ROBO2: variants seen among roughly 807,000 people sequenced by gnomAD.
ROBO2 encodes the protein roundabout homolog 2.
Under a neutral mutation model 160.8 loss-of-function variants are expected in ROBO2, and 53 were observed. The observed-to-expected ratio is 0.33, with a 90% CI of 0.26 to 0.41. The LOEUF (loss-of-function observed/expected upper bound fraction) is 0.41, where lower values mean the gene tolerates loss of function less well. Ranked by LOEUF, ROBO2 falls within the 10% of genes least tolerant of loss-of-function variation. The probability of loss-of-function intolerance (pLI) is 1.00; values close to 1 mark genes in which losing one functional copy is unlikely to be tolerated. For synonymous variants in ROBO2, 664 were observed against 611.7 expected (o/e 1.09, Z -1.26); for missense variants, 1,577 against 1,722.4 (o/e 0.92, Z 1.49).
At chr3:76,754,613 A>T (rs2060864084) in intron 2 of ROBO2, among the ~76,000 whole-genome samples, 2 of 151,906 alleles carry the variant, frequency 1.3e-5, no homozygotes, top group African/African-American at 4.8e-5. Context: ...TCCAATTAAG[A>T]AACATACTGC....
intron 2 of ROBO2, among the ~76,000 whole-genome samples, chr3:76,006,305 T>C (rs2066018249): frequency 2.6e-5 from 4 of 152,174 alleles, no homozygotes; most frequent in Admixed American, 2.6e-4. Context: ...AAATAAGTAA[T>C]ACTGGATAGT....
At position 76,480,746 on chromosome 3, in the gene ROBO2, A is replaced by G. The variant is rs144610270; in HGVS notation, c.109+543144A>G. ...GGTACCACCTCCCAATACCAAGACC[A>G]TGAAGGTTAGAATTTGGGCATACAT... On this transcript the variant is annotated intron_variant, in intron 2 of 26. Transcript: ENST00000487694. 1.8e-3 allele frequency among the ~76,000 whole-genome samples: 268 copies of G among 152,266 alleles called. 1 individual carries two copies. Among genetic ancestry groups the G allele is most frequent in the African/African-American group, 6.2e-3 (256 of 41,572 alleles).
At chr3:77,312,758 C>T (rs2063657459) in intron 2 of ROBO2, among the ~76,000 whole-genome samples, 2 of 152,124 alleles carry the variant, frequency 1.3e-5, no homozygotes, top group Non-Finnish European at 2.9e-5. Flanking sequence ...GTGAAAATGT[C>T]TACCTTAAGC....
intron 2 of ROBO2, among the ~76,000 whole-genome samples, chr3:76,401,563 A>G (rs1283031482): frequency 6.6e-6 from 1 of 151,722 alleles, no homozygotes; most frequent in South Asian, 2.1e-4. Context: ...ATTAACAACA[A>G]TAACGGAACC....
chr3:76,061,845 G>A (rs1167167231), intron 2 of ROBO2, among the ~76,000 whole-genome samples: 1 of 152,084 alleles, frequency 6.6e-6, no homozygotes, highest in Non-Finnish European at 1.5e-5. Flanking sequence ...GCTCTAGACG[G>A]TCCATTTCCT....
At position 77,595,252 on chromosome 3, in the gene ROBO2, G is replaced by A. The variant is rs962606734; in HGVS notation, c.2726+68G>A. Reference sequence around the variant, plus strand: ...CAGGACTGGGGAAACTCTATAGTAAGAGCCTATTATTGTAATAAATGATCA... The same window carrying A: ...CAGGACTGGGGAAACTCTATAGTAAAAGCCTATTATTGTAATAAATGATCA... On this transcript the variant is annotated intron_variant, in intron 18 of 25. Coordinates refer to ENST00000461745, the Ensembl canonical transcript of ROBO2. 5.9e-6 allele frequency: 7 copies of A among 1,182,242 alleles called. No homozygotes were observed. In the African/African-American group the frequency reaches 9.2e-5, roughly 16 times the overall value. 73.2% of individuals were successfully genotyped at this position (1,182,242 alleles called of 1,614,324 possible). A position where few individuals can be genotyped will look rare whatever the true frequency, so the allele number is the denominator to read the frequency against.
At chr3:76,488,449 G>A (rs959418695) in intron 2 of ROBO2, among the ~76,000 whole-genome samples, 2 of 151,958 alleles carry the variant, frequency 1.3e-5, no homozygotes, top group Non-Finnish European at 2.9e-5. Context: ...TCTCTCTGCT[G>A]TTAGAGAAGA....
intron 2 of ROBO2, among the ~76,000 whole-genome samples, chr3:77,105,513 G>C (rs527690050): frequency 1.3e-5 from 2 of 152,242 alleles, no homozygotes; most frequent in African/African-American, 2.4e-5. Flanking sequence ...TGGCTGTTTT[G>C]TGAGTGTGCC....
chr3:77,592,751 C>T (rs543010817), intron 17 of ROBO2, among the ~76,000 whole-genome samples: 9 of 151,980 alleles, frequency 5.9e-5, no homozygotes, highest in South Asian at 2.1e-4. Context: ...GGGGTTTCAC[C>T]GTCTTGGCCA....
rs1181506069 is a variant in ROBO2, at chr3:76,693,282, AGTG to A, written c.110-404731_110-404729del. 2.0e-5 allele frequency among the ~76,000 whole-genome samples: 3 copies of A among 149,790 alleles called. No individual in the cohort carries two copies. In the Admixed American group the frequency reaches 2.0e-4, roughly 10 times the overall value. The stretch of plus-strand genomic sequence containing the variant: ...CATACATGTCTCTCTCTCTATATAT[AGTG>A]TGTATCTATATGTAGTGTGTGTATA... On this transcript the variant is annotated intron_variant, in intron 2 of 26. Transcript: ENST00000487694.
At chr3:76,920,281 C>T (rs1394435035) in intron 2 of ROBO2, among the ~76,000 whole-genome samples, 4 of 152,010 alleles carry the variant, frequency 2.6e-5, no homozygotes, top group African/African-American at 9.7e-5. Flanking sequence ...AATAAAAACT[C>T]ACCTTTATTA....
At chr3:77,294,395 A>C (rs1291452575) in intron 2 of ROBO2, among the ~76,000 whole-genome samples, 1 of 141,456 alleles carries the variant, frequency 7.1e-6, no homozygotes, top group South Asian at 2.2e-4. Context: ...GTCACCAAAG[A>C]CATAAAGTAA....
chr3:76,257,434 C>T (rs1297528182), intron 2 of ROBO2, among the ~76,000 whole-genome samples: 1 of 152,088 alleles, frequency 6.6e-6, no homozygotes, highest in Non-Finnish European at 1.5e-5. Flanking sequence ...GATATAAATG[C>T]ATTGACTAAA....
chr3:77,561,692 C>G (rs2093326651), intron 9 of ROBO2, among the ~76,000 whole-genome samples: 1 of 152,084 alleles, frequency 6.6e-6, no homozygotes, highest in South Asian at 2.1e-4. Flanking sequence ...CTTGAAATTG[C>G]AGTCACTCCA....
chr3:76,521,825 T>C (rs560542820), intron 2 of ROBO2, among the ~76,000 whole-genome samples: 14 of 152,162 alleles, frequency 9.2e-5, no homozygotes, highest in Non-Finnish European at 1.8e-4. Flanking sequence ...ATTATAAATA[T>C]GGTATTTGTA....
intron 2 of ROBO2, among the ~76,000 whole-genome samples, chr3:76,495,317 C>T (rs1258127659): frequency 6.7e-6 from 1 of 149,932 alleles, no homozygotes; most frequent in African/African-American, 2.5e-5. Flanking sequence ...ATTAATATCT[C>T]ATTTAGTGGT....
At chr3:76,332,772 T>C (rs2073586483) in intron 2 of ROBO2, among the ~76,000 whole-genome samples, 1 of 152,214 alleles carries the variant, frequency 6.6e-6, no homozygotes. Flanking sequence ...AAAATATATT[T>C]AGTGCATTCC....
At chr3:77,455,026 T>A (rs2081482850) in intron 2 of ROBO2, among the ~76,000 whole-genome samples, 1 of 152,176 alleles carries the variant, frequency 6.6e-6, no homozygotes, top group Non-Finnish European at 1.5e-5. Flanking sequence ...TTGTTGTTGC[T>A]GATATAAAGT....
intron 2 of ROBO2, among the ~76,000 whole-genome samples, chr3:76,663,588 G>A (rs1366744926): frequency 2.0e-5 from 3 of 152,044 alleles, no homozygotes; most frequent in Non-Finnish European, 4.4e-5. Context: ...ACATATGGCC[G>A]AATAAATAAA....
Sources: gnomAD v4.1 joint callset for allele counts (sites outside exome capture counted in the v4.1 genomes callset) on GRCh38, gnomAD v4.1.1 for gene constraint, MANE v1.5 for transcripts, NCBI Gene and HGNC (gene_info 2026-07-23, HGNC 2026-07-21) for gene names.